The following DGKB variants were observed in gnomAD, a reference collection of about 807,000 sequenced individuals.
The protein encoded by DGKB is 90 kDa diacylglycerol kinase.
In DGKB, 67 loss-of-function variants were observed where a neutral mutation model predicts 114.3. The ratio of observed to expected loss-of-function variants is 0.59; its 90% CI spans 0.48 to 0.72. The LOEUF (loss-of-function observed/expected upper bound fraction) is 0.72, where lower values mean the gene tolerates loss of function less well. Ranked by LOEUF, DGKB falls within the 30% of genes least tolerant of loss-of-function variation. DGKB has a pLI of 0.00. For synonymous variants in DGKB, 398 were observed against 323.1 expected (o/e 1.23, Z -2.49); for missense variants, 907 against 975.2 (o/e 0.93, Z 0.93).
chr7:14,231,446 T>A (rs1791827598), intron 23 of DGKB, among the ~76,000 whole-genome samples: 1 of 152,010 alleles, frequency 6.6e-6, no homozygotes, highest in South Asian at 2.1e-4. Flanking sequence ...TATTTTCTGA[T>A]AACATTCTAC....
intron 25 of DGKB, among the ~76,000 whole-genome samples, chr7:14,166,152 G>C (rs946878417): frequency 6.6e-6 from 1 of 152,124 alleles, no homozygotes; most frequent in Non-Finnish European, 1.5e-5. Context: ...CGCCTACAAT[G>C]TAATTTAAAA....
chr7:14,390,666 C>T (rs1821168620), intron 21 of DGKB, among the ~76,000 whole-genome samples: 1 of 152,102 alleles, frequency 6.6e-6, no homozygotes, highest in Non-Finnish European at 1.5e-5. Context: ...GTATCCAAGA[C>T]ATTTCTTTAA....
chr7:14,454,466 A>C (rs896318391), intron 21 of DGKB, among the ~76,000 whole-genome samples: 1 of 152,048 alleles, frequency 6.6e-6, no homozygotes, highest in Non-Finnish European at 1.5e-5. Context: ...ACTCTGTGAG[A>C]TTGTCTTAAG....
At chr7:14,577,532 G>A (rs1335971314) in intron 19 of DGKB, among the ~76,000 whole-genome samples, 3 of 152,116 alleles carry the variant, frequency 2.0e-5, no homozygotes, top group Non-Finnish European at 4.4e-5. Flanking sequence ...CAGGAGAATG[G>A]CGTGAACCCG....
In DGKB at chr7:14,296,118, A is replaced by C. The variant is rs543625916; in HGVS notation, c.2122+42397T>G. Among the ~76,000 whole-genome samples the C allele has an allele frequency of 5.5e-5, 8 of 146,382 alleles. No individual in the cohort carries two copies. In the East Asian group the frequency reaches 1.6e-3, roughly 30 times the overall value. ...ACAATCTCGGCACACTGCAACCTCC[A>C]CCTCCCAGGTTCAAGCAATTATCCT... is the stretch of plus-strand genomic sequence containing the variant. On this transcript the variant is annotated intron_variant, in intron 23 of 25. Coordinates refer to ENST00000402815, the MANE Select transcript of DGKB (RefSeq NM_001350709.2).
At position 14,424,508 on chromosome 7, in the gene DGKB, T is replaced by C. The variant is rs540616541; in HGVS notation, c.1835+53653A>G. On this transcript the variant is annotated intron_variant, in intron 21 of 25. Coordinates refer to ENST00000402815, the MANE Select transcript of DGKB (RefSeq NM_001350709.2). The stretch of plus-strand genomic sequence containing the variant: ...TCACTCTCTGGAAGCTTTTTTATAT[T>C]AATAATAACCATCCCTTATATTCTA... Among the ~76,000 whole-genome samples the C allele has an allele frequency of 1.4e-4, 22 of 152,238 alleles. No individual in the cohort carries two copies. In the South Asian group the frequency reaches 4.6e-3, roughly 32 times the overall value.
At chr7:14,280,567 C>T (rs1799784666) in intron 23 of DGKB, among the ~76,000 whole-genome samples, 1 of 149,624 alleles carries the variant, frequency 6.7e-6, no homozygotes, top group Non-Finnish European at 1.5e-5. Context: ...GTCAGATTCA[C>T]CAAAGTTGAA....
intron 23 of DGKB, among the ~76,000 whole-genome samples, chr7:14,331,086 C>T (rs1202205900): frequency 1.3e-5 from 2 of 151,862 alleles, no homozygotes; most frequent in African/African-American, 4.8e-5. Flanking sequence ...TCTTATTAAG[C>T]ATATGCTATT....
intron 20 of DGKB, among the ~76,000 whole-genome samples, chr7:14,491,305 G>C (rs1487107676): frequency 1.3e-5 from 2 of 151,854 alleles, no homozygotes; most frequent in Non-Finnish European, 2.9e-5. Context: ...CTTTCACTTG[G>C]CTCTCATATT....
At chr7:14,173,913 TATTA>T (rs1488287575) in intron 25 of DGKB, among the ~76,000 whole-genome samples, 1 of 152,204 alleles carries the variant, frequency 6.6e-6, no homozygotes, top group African/African-American at 2.4e-5. Context: ...ATAAAATTTT[TATTA>T]ATTTAACAAT....
At chr7:14,712,745 T>C (rs116539649) in intron 6 of DGKB, among the ~76,000 whole-genome samples, 2,223 of 151,950 alleles carry the variant, frequency 0.015, 51 homozygotes, top group African/African-American at 0.051. Context: ...CCATGGAAAA[T>C]AAAAGTTGTT....
intron 1 of DGKB, among the ~76,000 whole-genome samples, chr7:14,851,026 A>G (rs922042566): frequency 1.3e-5 from 2 of 152,220 alleles, no homozygotes; most frequent in East Asian, 3.8e-4. Context: ...TGCACAGTAC[A>G]TAACAAATAA....
chr7:14,254,685 C>G (rs565732326), intron 23 of DGKB, among the ~76,000 whole-genome samples: 15 of 152,228 alleles, frequency 9.9e-5, no homozygotes, highest in African/African-American at 3.4e-4. Flanking sequence ...TTATTTCTAG[C>G]CACTTCTAGT....
chr7:14,457,623 A>C (rs981439039), intron 21 of DGKB, among the ~76,000 whole-genome samples: 2 of 152,328 alleles, frequency 1.3e-5, no homozygotes, highest in South Asian at 4.1e-4. Flanking sequence ...AAGAACATCA[A>C]CACTTTGACT....
intron 9 of DGKB, among the ~76,000 whole-genome samples, chr7:14,687,357 T>C (rs1394008675): frequency 1.3e-5 from 2 of 152,146 alleles, no homozygotes; most frequent in Non-Finnish European, 2.9e-5. Context: ...TCTCAACAAA[T>C]ACAGCTACGC....
intron 2 of DGKB, among the ~76,000 whole-genome samples, chr7:14,816,143 T>C (rs946499553): frequency 1.3e-5 from 2 of 152,108 alleles, no homozygotes; most frequent in East Asian, 3.9e-4. Flanking sequence ...CCAGCCTGGC[T>C]AACATGGTGA....
intron 23 of DGKB, among the ~76,000 whole-genome samples, chr7:14,338,143 C>T (rs1811003331): frequency 6.6e-6 from 1 of 152,092 alleles, no homozygotes; most frequent in African/African-American, 2.4e-5. Flanking sequence ...TCTCTTATAA[C>T]ACAACCTTAG....
intron 20 of DGKB, among the ~76,000 whole-genome samples, chr7:14,478,456 A>G (rs1782520337): frequency 6.6e-6 from 1 of 152,174 alleles, no homozygotes; most frequent in African/African-American, 2.4e-5. Flanking sequence ...ATTATTTGTT[A>G]CATTTACATC....
chr7:14,758,109 A>G (rs546061040), intron 2 of DGKB, among the ~76,000 whole-genome samples: 7 of 152,244 alleles, frequency 4.6e-5, no homozygotes, highest in African/African-American at 1.7e-4. Flanking sequence ...AAGTTTTAGT[A>G]AGTAAGCTTT....
Sources: allele counts gnomAD v4.1 joint callset (sites outside exome capture counted in the v4.1 genomes callset), GRCh38; gene constraint gnomAD v4.1.1; transcripts MANE v1.5; gene names NCBI Gene and HGNC (gene_info 2026-07-23, HGNC 2026-07-21).